SAMD4A: variants seen among roughly 807,000 people sequenced by gnomAD.
The protein encoded by SAMD4A is sterile alpha motif domain containing 4A.
In SAMD4A, 33 loss-of-function variants were observed where a neutral mutation model predicts 81.3. That is an observed-to-expected ratio of 0.41 (90% CI 0.31 to 0.54). The LOEUF is 0.54. Ranked by LOEUF, SAMD4A falls within the 20% of genes least tolerant of loss-of-function variation. SAMD4A has a pLI of 0.37. For synonymous variants in SAMD4A, 389 were observed against 382.1 expected, an observed-to-expected ratio of 1.02 and a Z score of -0.21; for missense variants, 854 against 951.1, an observed-to-expected ratio of 0.90 and a Z score of 1.34.
intron 2 of SAMD4A, among the ~76,000 whole-genome samples, chr14:54,591,747 A>G (rs889813288): frequency 3.9e-5 from 6 of 152,174 alleles, no homozygotes; most frequent in African/African-American, 1.2e-4. Flanking sequence ...TTGTATCATT[A>G]TAAGTTCTTT....
chr14:54,781,767 G>A (rs1594939736), intron 11 of SAMD4A, among the ~76,000 whole-genome samples: 1 of 152,244 alleles, frequency 6.6e-6, no homozygotes, highest in Non-Finnish European at 1.5e-5. Context: ...GGCAAGAGCT[G>A]CCCGAATGCC....
chr14:54,667,555 A>G (rs1481308476), intron 2 of SAMD4A, among the ~76,000 whole-genome samples: 2 of 152,158 alleles, frequency 1.3e-5, no homozygotes, highest in Non-Finnish European at 2.9e-5. Context: ...AGAGCCAAGG[A>G]GAGGCAAATG....
At chr14:54,603,336 ATAAT>A (rs1211631953) in intron 2 of SAMD4A, among the ~76,000 whole-genome samples, 3 of 152,238 alleles carry the variant, frequency 2.0e-5, no homozygotes, top group Non-Finnish European at 4.4e-5. Flanking sequence ...TAGCCCAAAG[ATAAT>A]TAAACCCGAA....
At position 54,694,935 on chromosome 14, in the gene SAMD4A, C is replaced by T. The variant is rs942190463; in HGVS notation, c.197-7127C>T. ...ATCTCTACTCTGGAAAGGTAAAGGG[C>T]TCATTGGAAGTATCTGCTAGGGCAA... On this transcript the variant is annotated intron_variant, in intron 2 of 12. Coordinates refer to ENST00000554335, the MANE Select transcript of SAMD4A (RefSeq NM_015589.6). 2.6e-5 allele frequency: 26 copies of T among 985,068 alleles called. No individual in the cohort carries two copies. The East Asian group carries it at 3.4e-4, about 13-fold the overall frequency. 61.0% of individuals were successfully genotyped at this position (985,068 alleles called of 1,614,324 possible). A position where few individuals can be genotyped will look rare whatever the true frequency, so the allele number is the denominator to read the frequency against.
At chr14:54,752,312 C>T (rs1300726470) in intron 6 of SAMD4A, among the ~76,000 whole-genome samples, 1 of 152,108 alleles carries the variant, frequency 6.6e-6, no homozygotes, top group East Asian at 1.9e-4. Flanking sequence ...GGAGGGCAGG[C>T]CTCATGCCTC....
Position 54,567,822 on chromosome 14 carries a change from C to T in SAMD4A, c.-95C>T. ...GCCACCTTGGAACAGGAACGCGTCT[C>T]CGGCCGCGGGGCTGCGGCTCCGCCA... On this transcript the variant is annotated 5_prime_UTR_variant, in exon 2 of 13. Coordinates refer to ENST00000554335, the MANE Select transcript of SAMD4A (RefSeq NM_015589.6). 3 of 1,405,782 alleles carry T rather than the reference C, an allele frequency of 2.1e-6. No individual in the cohort carries two copies. The highest frequency in any genetic ancestry group is 5.0e-5 in the East Asian group (2 of 40,150). The allele number at this position is 1,405,782 out of a possible 1,614,324, so 87.1% of individuals were successfully genotyped here. A position where few individuals can be genotyped will look rare whatever the true frequency, so the allele number is the denominator to read the frequency against.
chr14:54,729,951 C>G (rs1178864670), intron 3 of SAMD4A, among the ~76,000 whole-genome samples: 1 of 152,076 alleles, frequency 6.6e-6, no homozygotes, highest in Non-Finnish European at 1.5e-5. Context: ...GTCAAACAGC[C>G]GTTATCTAAA....
chr14:54,780,837 T>C (rs1385817727), intron 11 of SAMD4A, among the ~76,000 whole-genome samples: 1 of 152,058 alleles, frequency 6.6e-6, no homozygotes, highest in Non-Finnish European at 1.5e-5. Context: ...GTTCCCATGG[T>C]CAACTCAGGG....
intron 2 of SAMD4A, chr14:54,693,804 G>T (rs2036512314): frequency 6.6e-6 from 1 of 152,294 alleles, no homozygotes; most frequent in Non-Finnish European, 1.5e-5. Context: ...TGTACAGCAG[G>T]TCACATGGTG....
At chr14:54,756,550 C>A (rs1052283767) in intron 6 of SAMD4A, among the ~76,000 whole-genome samples, 3 of 152,138 alleles carry the variant, frequency 2.0e-5, no homozygotes, top group African/African-American at 4.8e-5. Context: ...TTTTCATATC[C>A]CCAGTGTGTA....
chr14:54,656,854 G>C (rs1257296872), intron 2 of SAMD4A, among the ~76,000 whole-genome samples: 1 of 152,062 alleles, frequency 6.6e-6, no homozygotes, highest in African/African-American at 2.4e-5. Context: ...TGATCCACCC[G>C]CTTTGGCCTC....
intron 2 of SAMD4A, among the ~76,000 whole-genome samples, chr14:54,651,517 G>T (rs1239396688): frequency 6.6e-6 from 1 of 152,152 alleles, no homozygotes; most frequent in Non-Finnish European, 1.5e-5. Context: ...GGATGAATGA[G>T]TGCTTTGCAA....
upstream of SAMD4A, among the ~76,000 whole-genome samples, chr14:54,566,198 C>G (rs1399423059): frequency 6.6e-6 from 1 of 151,476 alleles, no homozygotes; most frequent in Admixed American, 6.6e-5. Context: ...CGCCGCCCGC[C>G]CCGACGGCAT....
chr14:54,621,062 C>T lies in SAMD4A; in HGVS notation c.196+52950C>T, dbSNP rs114937751. Among the ~76,000 whole-genome samples the T allele has an allele frequency of 5.8e-3, 879 of 152,296 alleles. 13 individuals are homozygous for T. Among genetic ancestry groups the T allele is most frequent in the African/African-American group, 0.02 (837 of 41,562 alleles). ...TCTGGGATTATAGGCATGAGAGCCA[C>T]TGACATTTGCTTTTGAGCAGGTGGA... On this transcript the variant is annotated intron_variant, in intron 2 of 12. Transcript: ENST00000554335.
At chr14:54,659,672 T>TTCA (rs1204121193) in intron 2 of SAMD4A, among the ~76,000 whole-genome samples, 1 of 152,072 alleles carries the variant, frequency 6.6e-6, no homozygotes, top group Non-Finnish European at 1.5e-5. Context: ...CAGGTGCTGA[T>TTCA]AGTCATGAGG....
chr14:54,687,512 C>T, intron 2 of SAMD4A: 1 of 378,078 alleles, frequency 2.6e-6, no homozygotes, highest in South Asian at 2.0e-5. Context: ...CCACTGCAAA[C>T]AAGTTGTGCT....
At position 54,737,122 on chromosome 14, in the gene SAMD4A, T is replaced by C; in HGVS notation, c.814T>C (p.Ser272Pro). 6.2e-7 allele frequency: 1 copy of C among 1,614,136 alleles called. No homozygotes were observed. Among genetic ancestry groups the C allele is most frequent in the Non-Finnish European group, 8.5e-7 (1 of 1,179,998 alleles). Residue 272 changes from serine to proline, a missense_variant, in exon 4 of 13, where the codon TCT becomes CCT. By Grantham distance (74) the Ser-to-Pro change is moderately conservative (BLOSUM62 -1). Around this residue, in one of 3 missense-constraint regions of SAMD4A, gnomAD observed 387 missense variants for 405.8 expected, o/e 0.95. Transcript: ENST00000554335. ...CCAGCCTCTAGGACATGGATGGATG[T>C]CTCATGAGGACTTACGAGCTAGAGG... The part of the protein sequence containing the change: ...PNQPLGHGWM[S>P]HEDLRARGPQ...
At chr14:54,783,824 G>T (rs1365808618) in intron 11 of SAMD4A, among the ~76,000 whole-genome samples, 2 of 152,228 alleles carry the variant, frequency 1.3e-5, no homozygotes, top group African/African-American at 4.8e-5. Flanking sequence ...GCTGGGCCCT[G>T]GCTTTCCTCT....
At chr14:54,696,367 G>C (rs1384776447) in intron 2 of SAMD4A, among the ~76,000 whole-genome samples, 1 of 152,204 alleles carries the variant, frequency 6.6e-6, no homozygotes, top group Non-Finnish European at 1.5e-5. Context: ...GTCTAGGATT[G>C]ACTTTGTAAC....
Sources: allele counts gnomAD v4.1 joint callset (sites outside exome capture counted in the v4.1 genomes callset), GRCh38; gene constraint gnomAD v4.1.1; regional missense constraint gnomAD v4.1.1; transcripts MANE v1.5; gene names NCBI Gene and HGNC (gene_info 2026-07-23, HGNC 2026-07-21).